The following B3GALT1 variants were observed in gnomAD, a reference collection of about 807,000 sequenced individuals.
B3GALT1 encodes the protein beta-1,3-galactosyltransferase 1.
Under a neutral mutation model 23.2 loss-of-function variants are expected in B3GALT1, and 10 were observed. The observed-to-expected ratio is 0.43, with a 90% CI of 0.27 to 0.73. The LOEUF is 0.73. Ranked by LOEUF, B3GALT1 falls within the 30% of genes least tolerant of loss-of-function variation. B3GALT1 has a pLI of 0.21. For missense variants in B3GALT1, 299 were observed against 405.4 expected (o/e 0.74, Z 2.25); for synonymous variants, 156 against 141.5 (o/e 1.10, Z -0.73).
intron 3 of B3GALT1, among the ~76,000 whole-genome samples, chr2:167,790,277 C>G (rs1688411503): frequency 6.6e-6 from 1 of 152,110 alleles, no homozygotes; most frequent in Non-Finnish European, 1.5e-5. Context: ...TTTCCCCAAG[C>G]CTGGGTTGTT....
At chr2:167,677,586 A>G (rs2105489555) in intron 3 of B3GALT1, among the ~76,000 whole-genome samples, 1 of 152,146 alleles carries the variant, frequency 6.6e-6, no homozygotes, top group Non-Finnish European at 1.5e-5. Context: ...CCCCTCAATC[A>G]CTATAGACAC....
chr2:167,568,601 GT>G (rs1182868655), intron 2 of B3GALT1, among the ~76,000 whole-genome samples: 2 of 151,886 alleles, frequency 1.3e-5, no homozygotes, highest in Non-Finnish European at 2.9e-5. Context: ...TTATTGTTTA[GT>G]TTTTTAATAT....
intron 3 of B3GALT1, among the ~76,000 whole-genome samples, chr2:167,655,503 A>G (rs116154798): frequency 0.015 from 2,253 of 152,318 alleles, 51 homozygotes; most frequent in African/African-American, 0.05. Context: ...ACATGTACAT[A>G]TAAATTATGG....
chr2:167,605,416 G>A (rs1285353160), intron 2 of B3GALT1, among the ~76,000 whole-genome samples: 1 of 152,176 alleles, frequency 6.6e-6, no homozygotes, highest in Non-Finnish European at 1.5e-5. Context: ...GGCTGGCTTG[G>A]AGTGCCCATG....
chr2:167,448,875 T>G lies in B3GALT1; in HGVS notation c.-510-41302T>G, dbSNP rs145011408. Among the ~76,000 whole-genome samples, 6 of 152,268 alleles carry G rather than the reference T, an allele frequency of 3.9e-5. No individual in the cohort carries two copies. The East Asian group carries it at 1.2e-3, about 29-fold the overall frequency. On this transcript the variant is annotated intron_variant, in intron 1 of 4. Coordinates refer to ENST00000392690, the MANE Select transcript of B3GALT1 (RefSeq NM_020981.4). ...TAGGGTGTGCTTTCTCCACTTTTTG[T>G]TTTTGTTGGCTTTTTCTAAGATCAG...
chr2:167,461,653 G>A (rs943474615), intron 1 of B3GALT1, among the ~76,000 whole-genome samples: 1 of 152,016 alleles, frequency 6.6e-6, no homozygotes, highest in African/African-American at 2.4e-5. Flanking sequence ...AAAGCATTAT[G>A]TTTAGTCAAA....
At chr2:167,573,967 T>G (rs918549668) in intron 2 of B3GALT1, among the ~76,000 whole-genome samples, 1 of 151,700 alleles carries the variant, frequency 6.6e-6, no homozygotes, top group African/African-American at 2.4e-5. Flanking sequence ...AACAGAGATA[T>G]GTAAGAGTAA....
At chr2:167,311,256 G>A (rs991518061) in intron 1 of B3GALT1, among the ~76,000 whole-genome samples, 1 of 152,066 alleles carries the variant, frequency 6.6e-6, no homozygotes, top group Non-Finnish European at 1.5e-5. Flanking sequence ...CAGAATTTGA[G>A]TTACAAAGGA....
chr2:167,600,825 G>A (rs950041193), intron 2 of B3GALT1, among the ~76,000 whole-genome samples: 14 of 151,442 alleles, frequency 9.2e-5, no homozygotes, highest in African/African-American at 1.9e-4. Context: ...ATTCTCCCCC[G>A]CCCCCCAACT....
At chr2:167,460,866 T>C (rs1282565032) in intron 1 of B3GALT1, among the ~76,000 whole-genome samples, 1 of 152,234 alleles carries the variant, frequency 6.6e-6, no homozygotes, top group African/African-American at 2.4e-5. Flanking sequence ...TTAGGTCTTT[T>C]CTGAGCCTGT....
At chr2:167,398,117 T>C (rs907014245) in intron 1 of B3GALT1, among the ~76,000 whole-genome samples, 1 of 152,168 alleles carries the variant, frequency 6.6e-6, no homozygotes, top group African/African-American at 2.4e-5. Context: ...TCTTATTATA[T>C]ATAAATGCTT....
intron 2 of B3GALT1, among the ~76,000 whole-genome samples, chr2:167,515,615 T>C (rs2105357750): frequency 6.6e-6 from 1 of 152,250 alleles, no homozygotes; most frequent in South Asian, 2.1e-4. Flanking sequence ...GCCACTTCCA[T>C]TATTGTTTGT....
intron 3 of B3GALT1, among the ~76,000 whole-genome samples, chr2:167,807,214 A>T (rs1421905269): frequency 1.2e-3 from 175 of 151,848 alleles, no homozygotes; most frequent in African/African-American, 3.9e-3. Flanking sequence ...TTTTCTTCTT[A>T]ATTAGTCTTG....
At chr2:167,523,859 G>A (rs1042732141) in intron 2 of B3GALT1, among the ~76,000 whole-genome samples, 76 of 92,120 alleles carry the variant, frequency 8.3e-4, no homozygotes, top group African/African-American at 3.0e-3. Flanking sequence ...ATATAAAGTT[G>A]CCTCATTTTT....
intron 1 of B3GALT1, among the ~76,000 whole-genome samples, chr2:167,390,741 C>T (rs940080343): frequency 1.8e-4 from 27 of 152,098 alleles, no homozygotes; most frequent in Non-Finnish European, 8.8e-5. Flanking sequence ...TTACTAATGT[C>T]TCTTGAGGGA....
At chr2:167,601,750 C>T (rs186765265) in intron 2 of B3GALT1, among the ~76,000 whole-genome samples, 12 of 152,278 alleles carry the variant, frequency 7.9e-5, no homozygotes, top group African/African-American at 2.6e-4. Context: ...CAGGTGATTC[C>T]ATATTGAGAA....
chr2:167,367,090 G>A (rs1697599838), intron 1 of B3GALT1, among the ~76,000 whole-genome samples: 1 of 152,178 alleles, frequency 6.6e-6, no homozygotes, highest in African/African-American at 2.4e-5. Context: ...TGATGTAACA[G>A]ACTATTACAT....
intron 3 of B3GALT1, among the ~76,000 whole-genome samples, chr2:167,686,673 G>C (rs1686621166): frequency 6.6e-6 from 1 of 152,204 alleles, no homozygotes; most frequent in Non-Finnish European, 1.5e-5. Flanking sequence ...CACAGTCACT[G>C]TATTATTTCT....
intron 3 of B3GALT1, among the ~76,000 whole-genome samples, chr2:167,683,183 G>A (rs1483951086): frequency 6.6e-6 from 1 of 152,166 alleles, no homozygotes. Context: ...GAATATTTAT[G>A]ATCATTTGTG....
Sources: gnomAD v4.1 joint callset for allele counts (sites outside exome capture counted in the v4.1 genomes callset) on GRCh38, gnomAD v4.1.1 for gene constraint, MANE v1.5 for transcripts, NCBI Gene and HGNC (gene_info 2026-07-23, HGNC 2026-07-21) for gene names.